Variants in LY6H observed in about 807,000 individuals in gnomAD.
The protein encoded by LY6H is lymphocyte antigen 6H.
Under a neutral mutation model 14.6 loss-of-function variants are expected in LY6H, and 8 were observed. The observed-to-expected ratio is 0.55, with a 90% CI of 0.32 to 0.99. The LOEUF (loss-of-function observed/expected upper bound fraction) is 0.99, where lower values mean the gene tolerates loss of function less well. LY6H is among the 50% of genes least tolerant of loss of function. The pLI, the probability that LY6H is intolerant of heterozygous loss-of-function variation, is 0.04. For synonymous variants in LY6H, 115 were observed against 97.2 expected, an observed-to-expected ratio of 1.18 and a Z score of -1.08; for missense variants, 196 against 219.6, an observed-to-expected ratio of 0.89 and a Z score of 0.68.
chr8:143,160,298 C>G lies in LY6H; in HGVS notation c.-99G>C. The stretch of plus-strand genomic sequence containing the variant: ...GACCGGAATCCGGGCGCAGCCTCGT[C>G]TTTCGGGGAACGCAGCCGCAGACGC... On this transcript the variant is annotated 5_prime_UTR_variant, in exon 1 of 4. Coordinates refer to ENST00000342752, the MANE Select transcript of LY6H (RefSeq NM_001135655.2). The G allele has an allele frequency of 9.5e-7, 1 of 1,052,256 alleles. No individual in the cohort carries two copies. Among genetic ancestry groups the G allele is most frequent in the Non-Finnish European group, 1.2e-6 (1 of 822,640 alleles). The allele number at this position is 1,052,256 out of a possible 1,614,324, so 65.2% of individuals were successfully genotyped here. A position where few individuals can be genotyped will look rare whatever the true frequency, so the allele number is the denominator to read the frequency against.
intron 1 of LY6H, chr8:143,159,948 G>A: frequency 8.1e-7 from 1 of 1,242,134 alleles, no homozygotes; most frequent in Non-Finnish European, 1.0e-6. Context: ...GTGTGGGGGA[G>A]CGGATGGGGG....
At chr8:143,159,897 G>T (rs1036219746) in intron 1 of LY6H, 188 bp from the exon 2 acceptor site, 2 of 1,152,570 alleles carry the variant, frequency 1.7e-6, no homozygotes, top group African/African-American at 3.2e-5. Context: ...CCTCTGGGGC[G>T]AGGTGACAGC....
rs757236918 is a variant in LY6H, at chr8:143,160,246, G to A, written c.-47C>T. Reference sequence around the variant, plus strand: ...GGCTCGGGCGGCGTGCGCGGCGCGGGGAGCTGTGCCCTTCGGTCTCCCTGC... The same window carrying A: ...GGCTCGGGCGGCGTGCGCGGCGCGGAGAGCTGTGCCCTTCGGTCTCCCTGC... On this transcript the variant is annotated 5_prime_UTR_variant, in exon 1 of 4. Coordinates refer to ENST00000342752, the MANE Select transcript of LY6H (RefSeq NM_001135655.2). 3 of 1,275,948 alleles carry A rather than the reference G, an allele frequency of 2.4e-6. No homozygotes were observed. Among genetic ancestry groups the A allele is most frequent in the Non-Finnish European group, 3.0e-6 (3 of 1,010,294 alleles). 79.0% of individuals were successfully genotyped at this position (1,275,948 alleles called of 1,614,324 possible).
chr8:143,159,013 G>C (rs1229534338), intron 2 of LY6H, 91 bp from the exon 3 acceptor site: 2 of 1,525,848 alleles, frequency 1.3e-6, no homozygotes, highest in Non-Finnish European at 8.8e-7. Context: ...CCTGCTGCAG[G>C]CACTCCTGGG....
chr8:143,159,134 C>T (rs1415580477), intron 2 of LY6H: 1 of 646,232 alleles, frequency 1.5e-6, no homozygotes, highest in East Asian at 2.7e-5. Context: ...CCCTATGGCC[C>T]CTCCCTGGCC....
At chr8:143,159,159 T>C in intron 2 of LY6H, 2 of 614,382 alleles carry the variant, frequency 3.3e-6, no homozygotes, top group South Asian at 3.8e-5. Context: ...TGCACGTGCG[T>C]GCACACACAC....
Position 143,159,625 on chromosome 8 carries a change from G to T in LY6H, c.87C>A (p.Gly29=). ...TRSMLPAAMK[G]LGLALLAVLL... ...GGACGGCCAGCAGCGCCAGGCCGAGGCCCTTCATGGCTGCAGGCAGCATGC... is the reference window on the plus strand; with the variant it reads ...GGACGGCCAGCAGCGCCAGGCCGAGTCCCTTCATGGCTGCAGGCAGCATGC... Residue 29 remains glycine, a synonymous_variant, in exon 2 of 4, where the codon GGC becomes GGA. Coordinates refer to ENST00000342752, the MANE Select transcript of LY6H (RefSeq NM_001135655.2). The T allele has an allele frequency of 6.8e-7, 1 of 1,479,190 alleles. No homozygotes were observed. The highest frequency in any genetic ancestry group is 2.3e-5 in the Admixed American group (1 of 42,626). 91.6% of individuals were successfully genotyped at this position (1,479,190 alleles called of 1,614,324 possible).
Position 143,160,183 on chromosome 8 carries a change from G to C in LY6H, c.2+15C>G, listed in dbSNP as rs778622619. On this transcript the variant is annotated intron_variant, in intron 1 of 3. Transcript: ENST00000342752. The stretch of plus-strand genomic sequence containing the variant: ...GGCGTGGAGCGCGGGCCTCGGGGTC[G>C]GGGGGCTCACTCACATCCCGGGGGT... 7 of 1,283,018 alleles carry C rather than the reference G, an allele frequency of 5.5e-6. No homozygotes were observed. The highest frequency in any genetic ancestry group is 3.3e-5 in the South Asian group (1 of 30,068). 79.5% of individuals were successfully genotyped at this position (1,283,018 alleles called of 1,614,324 possible).
chr8:143,159,870 C>T (rs1180603027), intron 1 of LY6H, 161 bp from the exon 2 acceptor site: 11 of 1,139,012 alleles, frequency 9.7e-6, no homozygotes, highest in African/African-American at 3.2e-5. Flanking sequence ...ACAGCATCCC[C>T]GCCGGGAGAC....
At chr8:143,159,415 C>A (rs1411737844) in intron 2 of LY6H, 167 bp downstream of exon 2, 7 of 745,870 alleles carry the variant, frequency 9.4e-6, no homozygotes, top group Admixed American at 3.7e-5. Flanking sequence ...AGTGCCGGGG[C>A]AGAGGGGCCG....
intron 3 of LY6H, 140 bp downstream of exon 3, chr8:143,158,663 G>A (rs1815512406): frequency 7.9e-7 from 1 of 1,262,220 alleles, no homozygotes; most frequent in Non-Finnish European, 1.1e-6. Flanking sequence ...GGAGCCAGGG[G>A]GGGACAGCAG....
upstream of LY6H, chr8:143,160,338 G>A: frequency 1.6e-6 from 1 of 629,718 alleles, no homozygotes. Context: ...CCCGCGCGAG[G>A]GGCGGGGCGG....
At chr8:143,159,097 G>T in intron 2 of LY6H, 175 bp from the exon 3 acceptor site, 1 of 877,468 alleles carries the variant, frequency 1.1e-6, no homozygotes, top group Non-Finnish European at 1.8e-6. Flanking sequence ...GGACAACTGT[G>T]CCCCATCCTG....
rs537176820 is a variant in LY6H at position 143,158,300 on chromosome 8, C to A, written c.436G>T (p.Gly146Trp). 13 of 1,613,348 alleles carry A rather than the reference C, an allele frequency of 8.1e-6. No homozygotes were observed. The highest frequency in any genetic ancestry group is 6.6e-5 in the South Asian group (6 of 91,076). ...GAGHSPWALA[G>W]GLLLSLGPAL... is the part of the protein sequence containing the mutation. Reference sequence around the variant, plus strand: ...GGCCCCAGGCTGAGCAGGAGCCCCCCGGCCAGGGCCCAGGGGCTGTGCCCT... The same window carrying A: ...GGCCCCAGGCTGAGCAGGAGCCCCCAGGCCAGGGCCCAGGGGCTGTGCCCT... The change falls in exon 4 of 4, where the codon GGG becomes TGG. Residue 146 changes from glycine (G) to tryptophan (W), a missense_variant. Coordinates refer to ENST00000342752, the MANE Select transcript of LY6H (RefSeq NM_001135655.2).
Position 143,158,172 on chromosome 8 carries a change from C to T in LY6H, c.*78G>A. On this transcript the variant is annotated 3_prime_UTR_variant, in exon 4 of 4. Coordinates refer to ENST00000342752, the MANE Select transcript of LY6H (RefSeq NM_001135655.2). ...GCTGGGCCAAGGCTGCCCCCAGCCC[C>T]AGCCACGCCAGGCTGGGGAGAGGGC... 1 of 1,074,212 alleles carries T rather than the reference C, an allele frequency of 9.3e-7. No homozygotes were observed. Among genetic ancestry groups the T allele is most frequent in the South Asian group, 1.5e-5 (1 of 64,518 alleles). 66.5% of individuals were successfully genotyped at this position (1,074,212 alleles called of 1,614,324 possible). A position where few individuals can be genotyped will look rare whatever the true frequency, so the allele number is the denominator to read the frequency against.
chr8:143,158,278 C>A lies in LY6H; in HGVS notation c.458G>T (p.Gly153Val), dbSNP rs548221614. The A allele has an allele frequency of 6.2e-7, 1 of 1,612,886 alleles. No homozygotes were observed. Among genetic ancestry groups the A allele is most frequent in the East Asian group, 2.2e-5 (1 of 44,858 alleles). ...GGGCCCAGCCCAGAGGAGGGCAGGC[C>A]CCAGGCTGAGCAGGAGCCCCCCGGC... Reference protein sequence around the residue: ...ALAGGLLLSLGPALLWAGP With the variant: ...ALAGGLLLSLVPALLWAGP The change falls in exon 4 of 4, where the codon GGG becomes GTG. Residue 153 changes from glycine to valine, a missense_variant. Transcript: ENST00000342752.
chr8:143,158,582 G>A, intron 3 of LY6H, 97 bp from the exon 4 acceptor site: 2 of 1,241,264 alleles, frequency 1.6e-6, no homozygotes, highest in Non-Finnish European at 1.1e-6. Context: ...GTCAGCTCGG[G>A]GCCCCAGTAG....
At position 143,158,043 on chromosome 8, in the gene LY6H, C is replaced by G. The variant is rs978111766; in HGVS notation, c.*207G>C. On this transcript the variant is annotated 3_prime_UTR_variant, in exon 4 of 4. Transcript: ENST00000342752. ...TCCCCAGGCCTCCTGCCCAGATGGCCTGGTTTCCTGGAGATGTCCAGCTGC... is the reference window on the plus strand; with the variant it reads ...TCCCCAGGCCTCCTGCCCAGATGGCGTGGTTTCCTGGAGATGTCCAGCTGC... 7.2e-6 allele frequency: 4 copies of G among 557,540 alleles called. No individual in the cohort carries two copies. Among genetic ancestry groups the G allele is most frequent in the Non-Finnish European group, 1.3e-5 (4 of 316,910 alleles). The allele number at this position is 557,540 out of a possible 1,614,324, so 34.5% of individuals were successfully genotyped here.
intron 2 of LY6H, chr8:143,159,301 G>A (rs564075496): frequency 2.9e-4 from 155 of 540,010 alleles, no homozygotes; most frequent in African/African-American, 2.2e-3. Context: ...GATTTGAAAG[G>A]AGGCCCGGGA....
Sources: gnomAD v4.1 joint callset for allele counts on GRCh38, gnomAD v4.1.1 for gene constraint, MANE v1.5 for transcripts, NCBI Gene and HGNC (gene_info 2026-07-23, HGNC 2026-07-21) for gene names.